Variants in CDK6 observed in about 807,000 individuals in gnomAD.
The protein encoded by CDK6 is cyclin-dependent kinase 6.
Under a neutral mutation model 37.1 loss-of-function variants are expected in CDK6, and 6 were observed. The ratio of observed to expected loss-of-function variants is 0.16; its 90% CI spans 0.09 to 0.32. The LOEUF is 0.32. CDK6 is among the 10% of genes least tolerant of loss of function. The pLI is 1.00. For missense variants in CDK6, 224 were observed against 418.9 expected (o/e 0.53, Z 4.06); for synonymous variants, 160 against 161.3 (o/e 0.99, Z 0.06).
At chr7:92,779,873 T>C (rs1799943962) in intron 2 of CDK6, among the ~76,000 whole-genome samples, 1 of 152,236 alleles carries the variant, frequency 6.6e-6, no homozygotes, top group South Asian at 2.1e-4. Flanking sequence ...TAGACTATAA[T>C]ATTTATGATG....
chr7:92,779,454 T>TA (rs900849862), intron 2 of CDK6, among the ~76,000 whole-genome samples: 2 of 152,210 alleles, frequency 1.3e-5, no homozygotes, highest in African/African-American at 2.4e-5. Flanking sequence ...TGCATATTCT[T>TA]AAAAAATGGT....
chr7:92,779,015 C>T (rs8), intron 2 of CDK6, among the ~76,000 whole-genome samples: 20,448 of 149,438 alleles, frequency 0.14, 1,989 homozygotes, highest in Non-Finnish European at 0.21. Flanking sequence ...TAAAGTGATC[C>T]TAAAATACTG....
chr7:92,820,064 C>T (rs976453533), intron 2 of CDK6, among the ~76,000 whole-genome samples: 1 of 151,858 alleles, frequency 6.6e-6, no homozygotes, highest in African/African-American at 2.4e-5. Context: ...TGGCGGGAAA[C>T]CCACCATATG....
rs965540237 is a variant in CDK6, at chr7:92,605,510, C to T, written c.*9630G>A. The T allele has an allele frequency of 3.0e-5, 7 of 232,768 alleles. No individual in the cohort carries two copies. The highest frequency in any genetic ancestry group is 8.8e-5 in the African/African-American group (4 of 45,314). 14.4% of individuals were successfully genotyped at this position (232,768 alleles called of 1,614,324 possible). On this transcript the variant is annotated 3_prime_UTR_variant, in exon 8 of 8. Transcript: ENST00000424848. Reference sequence around the variant, plus strand: ...GGTGGTCCTTGAATGACATATTTTACGTTACATATTTACCCTACTTTTCTA... The same window carrying T: ...GGTGGTCCTTGAATGACATATTTTATGTTACATATTTACCCTACTTTTCTA...
chr7:92,721,770 T>C lies in CDK6; in HGVS notation c.537+3856A>G, dbSNP rs375029366. Reference sequence around the variant, plus strand: ...GGTCCAGGCTACTGTCCTAAATTAATTTCTACCAAAGGCCAACATATGAAG... The same window carrying C: ...GGTCCAGGCTACTGTCCTAAATTAACTTCTACCAAAGGCCAACATATGAAG... On this transcript the variant is annotated intron_variant, in intron 4 of 7. Transcript: ENST00000424848. Among the ~76,000 whole-genome samples the C allele has an allele frequency of 1.4e-3, 214 of 152,312 alleles. 3 individuals are homozygous for C. The South Asian group carries it at 0.019, about 13-fold the overall frequency.
At position 92,688,865 on chromosome 7, in the gene CDK6, T is replaced by A. The variant is rs952108041; in HGVS notation, c.538-17330A>T. On this transcript the variant is annotated intron_variant, in intron 4 of 7. Coordinates refer to ENST00000424848, the MANE Select transcript of CDK6 (RefSeq NM_001145306.2). ...GCAAACCACATTCCCTCTAAAGAGG[T>A]CACGCAGTCACATTTCCATTTGTTG... is the stretch of plus-strand genomic sequence containing the variant. 2.0e-5 allele frequency among the ~76,000 whole-genome samples: 3 copies of A among 152,074 alleles called. No homozygotes were observed. In the South Asian group the frequency reaches 6.2e-4, roughly 32 times the overall value.
intron 5 of CDK6, among the ~76,000 whole-genome samples, chr7:92,638,355 A>G (rs1796223006): frequency 6.6e-6 from 1 of 152,220 alleles, no homozygotes; most frequent in South Asian, 2.1e-4. Flanking sequence ...AGCCAATCCC[A>G]TGTCCCACAA....
intron 4 of CDK6, among the ~76,000 whole-genome samples, chr7:92,692,418 C>T (rs758329284): frequency 6.6e-6 from 1 of 152,140 alleles, no homozygotes; most frequent in African/African-American, 2.4e-5. Context: ...AAAGATAAGT[C>T]CATATACACC....
chr7:92,626,971 C>T (rs1562915392), intron 5 of CDK6, among the ~76,000 whole-genome samples: 1 of 151,856 alleles, frequency 6.6e-6, no homozygotes, highest in East Asian at 1.9e-4. Context: ...TGTATATACC[C>T]AAAAGCATTA....
rs73416983 is a variant in CDK6, at chr7:92,828,667, C to T, written c.233+4424G>A. On this transcript the variant is annotated intron_variant, in intron 2 of 7. Coordinates refer to ENST00000424848, the MANE Select transcript of CDK6 (RefSeq NM_001145306.2). Reference sequence around the variant, plus strand: ...CCATGTCTTAAACATAGGAAAATATCCTCAAAGATATTCAAGTTTATACAA... The same window carrying T: ...CCATGTCTTAAACATAGGAAAATATTCTCAAAGATATTCAAGTTTATACAA... Among the ~76,000 whole-genome samples the T allele has an allele frequency of 4.4e-3, 675 of 152,182 alleles. 4 individuals are homozygous for T. Among genetic ancestry groups the T allele is most frequent in the African/African-American group, 0.015 (626 of 41,534 alleles).
intron 2 of CDK6, among the ~76,000 whole-genome samples, chr7:92,819,050 T>C (rs1460031547): frequency 2.0e-5 from 3 of 152,012 alleles, no homozygotes; most frequent in Non-Finnish European, 4.4e-5. Flanking sequence ...CAGTCAGCAA[T>C]CTACCTGTAG....
chr7:92,681,877 C>G (rs1485086389), intron 4 of CDK6, among the ~76,000 whole-genome samples: 2 of 152,254 alleles, frequency 1.3e-5, no homozygotes, highest in Non-Finnish European at 2.9e-5. Flanking sequence ...TCTGCAGTCT[C>G]TGACCCACAA....
In CDK6 at chr7:92,623,026, T is replaced by C; in HGVS notation, c.698+10A>G. The C allele has an allele frequency of 6.5e-7, 1 of 1,543,850 alleles. No individual in the cohort carries two copies. Among genetic ancestry groups the C allele is most frequent in the Non-Finnish European group, 8.9e-7 (1 of 1,124,148 alleles). ...ATGGACACTGGTGTAAAATTATAAT[T>C]ATTACTTACTCCAAGATTTTTCCTA... On this transcript the variant is annotated intron_variant, in intron 6 of 7. Coordinates refer to ENST00000424848, the MANE Select transcript of CDK6 (RefSeq NM_001145306.2).
chr7:92,676,884 G>A lies in CDK6; in HGVS notation c.538-5349C>T, dbSNP rs1391615909. 4.6e-5 allele frequency among the ~76,000 whole-genome samples: 7 copies of A among 151,566 alleles called. No individual in the cohort carries two copies. In the East Asian group the frequency reaches 1.4e-3, roughly 29 times the overall value. On this transcript the variant is annotated intron_variant, in intron 4 of 7. Coordinates refer to ENST00000424848, the MANE Select transcript of CDK6 (RefSeq NM_001145306.2). ...TGAGGCAGGAGAATGGCGTGAACCCGGGAGGCGGAGCTTGCAGTGAGCTGA... is the reference window on the plus strand; with the variant it reads ...TGAGGCAGGAGAATGGCGTGAACCCAGGAGGCGGAGCTTGCAGTGAGCTGA...
intron 4 of CDK6, among the ~76,000 whole-genome samples, chr7:92,716,007 T>C (rs1354128269): frequency 6.6e-6 from 1 of 152,246 alleles, no homozygotes; most frequent in African/African-American, 2.4e-5. Context: ...CTGAAGGTTA[T>C]GAATGGCTGC....
intron 3 of CDK6, among the ~76,000 whole-genome samples, chr7:92,732,768 G>C (rs548713568): frequency 6.6e-6 from 1 of 152,172 alleles, no homozygotes; most frequent in Non-Finnish European, 1.5e-5. Context: ...TCCTTGATAA[G>C]AGGTGCACAG....
At chr7:92,831,364 T>C (rs1801475098) in intron 2 of CDK6, among the ~76,000 whole-genome samples, 1 of 152,192 alleles carries the variant, frequency 6.6e-6, no homozygotes, top group African/African-American at 2.4e-5. Flanking sequence ...AAGGACACTA[T>C]TCATTCATAT....
chr7:92,698,394 C>T (rs958768373), intron 4 of CDK6, among the ~76,000 whole-genome samples: 8 of 152,174 alleles, frequency 5.3e-5, no homozygotes, highest in Admixed American at 1.3e-4. Flanking sequence ...CTACCACATC[C>T]GCACATCGTT....
intron 5 of CDK6, among the ~76,000 whole-genome samples, chr7:92,641,794 G>A (rs1393515808): frequency 6.6e-6 from 1 of 152,130 alleles, no homozygotes; most frequent in East Asian, 1.9e-4. Context: ...AATATGAAAG[G>A]AAATTATGTC....
Sources: gnomAD v4.1 joint callset for allele counts (sites outside exome capture counted in the v4.1 genomes callset) on GRCh38, gnomAD v4.1.1 for gene constraint, MANE v1.5 for transcripts, NCBI Gene and HGNC (gene_info 2026-07-23, HGNC 2026-07-21) for gene names.